The following SLC4A10 variants were observed in gnomAD, a reference collection of about 807,000 sequenced individuals.
SLC4A10 encodes sodium-driven chloride bicarbonate exchanger.
A neutral mutation model predicts 137.7 loss-of-function variants in SLC4A10; 42 were observed. The observed-to-expected ratio is 0.30, with a 90% confidence interval of 0.24 to 0.39. The LOEUF (loss-of-function observed/expected upper bound fraction) is 0.39. Ranked by LOEUF, SLC4A10 falls within the 10% of genes least tolerant of loss-of-function variation. The pLI, the probability that SLC4A10 is intolerant of heterozygous loss-of-function variation, is 1.00. For missense variants in SLC4A10, 925 were observed against 1,355.0 expected (o/e 0.68, Z 4.98); for synonymous variants, 474 against 464.1 (o/e 1.02, Z -0.27).
chr2:161,675,917 A>G (rs1392843154), intron 1 of SLC4A10, among the ~76,000 whole-genome samples: 1 of 152,164 alleles, frequency 6.6e-6, no homozygotes, highest in Non-Finnish European at 1.5e-5. Context: ...TCCCACAAGT[A>G]TTTGAAGCCC....
chr2:161,750,654 T>C (rs1350059004), intron 1 of SLC4A10, among the ~76,000 whole-genome samples: 1 of 151,898 alleles, frequency 6.6e-6, no homozygotes, highest in African/African-American at 2.4e-5. Flanking sequence ...TAACATGTAA[T>C]CTATACTGGA....
At chr2:161,860,664 A>T (rs2060383610) in intron 5 of SLC4A10, among the ~76,000 whole-genome samples, 1 of 152,198 alleles carries the variant, frequency 6.6e-6, no homozygotes, top group African/African-American at 2.4e-5. Flanking sequence ...TGAAAAATAG[A>T]TTTAAATATT....
At chr2:161,752,387 T>C (rs1033504238) in intron 1 of SLC4A10, among the ~76,000 whole-genome samples, 1 of 152,046 alleles carries the variant, frequency 6.6e-6, no homozygotes, top group Non-Finnish European at 1.5e-5. Flanking sequence ...ATATCCTTCT[T>C]AAGGTGATGA....
At chr2:161,900,293 G>A (rs1682769242) in intron 11 of SLC4A10, among the ~76,000 whole-genome samples, 1 of 152,044 alleles carries the variant, frequency 6.6e-6, no homozygotes, top group Admixed American at 6.6e-5. Flanking sequence ...CACTCTATGA[G>A]TTAGAAAGAC....
chr2:161,855,113 C>T lies in SLC4A10; in HGVS notation c.560C>T (p.Thr187Ile). ...GTGTTGCTGGACATGCATGCCAACA[C>T]TTTAGAAGAAATTGCAGGTATATCT... Reference protein sequence around the residue: ...GTVLLDMHANTLEEIADMVLD... With the variant: ...GTVLLDMHANILEEIADMVLD... The change falls in exon 5 of 27, where the codon ACT becomes ATT. Residue 187 changes from threonine (T) to isoleucine (I), a missense_variant. Physicochemically the swap from Thr to Ile is moderately conservative, Grantham distance 89. Around this residue, in one of 11 missense-constraint regions of SLC4A10, gnomAD observed 277 missense variants for 306.1 expected, o/e 0.90. Coordinates refer to ENST00000446997, the MANE Select transcript of SLC4A10 (RefSeq NM_001178015.2). The T allele has an allele frequency of 6.2e-7, 1 of 1,608,638 alleles. No individual in the cohort carries two copies. The highest frequency in any genetic ancestry group is 8.5e-7 in the Non-Finnish European group (1 of 1,177,440).
At chr2:161,658,424 G>C (rs867124996) in intron 1 of SLC4A10, among the ~76,000 whole-genome samples, 2 of 151,990 alleles carry the variant, frequency 1.3e-5, no homozygotes, top group Non-Finnish European at 2.9e-5. Context: ...CAAATCTGGC[G>C]TTCAGCTTAA....
intron 4 of SLC4A10, 58 bp downstream of exon 4, chr2:161,839,985 A>G (rs576392875): frequency 1.9e-6 from 3 of 1,596,008 alleles, no homozygotes; most frequent in South Asian, 2.2e-5. Flanking sequence ...TTACTAGAAA[A>G]AGAGATTTCT....
intron 4 of SLC4A10, among the ~76,000 whole-genome samples, chr2:161,853,639 T>C (rs543283084): frequency 5.9e-5 from 9 of 152,334 alleles, no homozygotes; most frequent in Admixed American, 5.9e-4. Flanking sequence ...ATAACTAATA[T>C]GAAAACTTTC....
At chr2:161,640,130 G>C (rs1301435590) in intron 1 of SLC4A10, among the ~76,000 whole-genome samples, 1 of 152,032 alleles carries the variant, frequency 6.6e-6, no homozygotes, top group East Asian at 1.9e-4. Context: ...ATTTATTTCA[G>C]TAAGGACTCA....
chr2:161,789,171 C>T lies in SLC4A10; in HGVS notation c.131-15278C>T, dbSNP rs1415739870. Among the ~76,000 whole-genome samples, 4 of 152,160 alleles carry T rather than the reference C, an allele frequency of 2.6e-5. No homozygotes were observed. The East Asian group carries it at 7.7e-4, about 29-fold the overall frequency. Reference sequence around the variant, plus strand: ...TGTGGGCACACCAGCACGAGCTGGCCACCTGAGGCTCCCACCCCAGAGAGT... The same window carrying T: ...TGTGGGCACACCAGCACGAGCTGGCTACCTGAGGCTCCCACCCCAGAGAGT... On this transcript the variant is annotated intron_variant, in intron 2 of 26. Transcript: ENST00000446997.
At chr2:161,905,176 C>T (rs116552922) in intron 14 of SLC4A10, among the ~76,000 whole-genome samples, 3,757 of 152,142 alleles carry the variant, frequency 0.025, 53 homozygotes, top group African/African-American at 0.036. Flanking sequence ...CCCTTTAGAC[C>T]GGTGGTCTGC....
intron 19 of SLC4A10, among the ~76,000 whole-genome samples, chr2:161,956,287 T>A (rs909283152): frequency 6.6e-5 from 10 of 152,296 alleles, no homozygotes; most frequent in African/African-American, 2.4e-4. Context: ...AGAGCTTAAG[T>A]GATTTATTGG....
At chr2:161,920,486 G>A (rs1250244616) in intron 15 of SLC4A10, among the ~76,000 whole-genome samples, 1 of 152,166 alleles carries the variant, frequency 6.6e-6, no homozygotes, top group Non-Finnish European at 1.5e-5. Context: ...GTACTTAAAG[G>A]ACAAAATAAA....
intron 1 of SLC4A10, among the ~76,000 whole-genome samples, chr2:161,698,736 G>A (rs1344487697): frequency 2.6e-5 from 4 of 152,228 alleles, no homozygotes; most frequent in Non-Finnish European, 4.4e-5. Flanking sequence ...TTTTTGCATC[G>A]ATGTTCATCA....
At chr2:161,879,833 T>A (rs1265553184) in intron 9 of SLC4A10, among the ~76,000 whole-genome samples, 1 of 152,090 alleles carries the variant, frequency 6.6e-6, no homozygotes, top group Non-Finnish European at 1.5e-5. Context: ...AGAAGTATTA[T>A]CGCAGTGTGG....
At position 161,761,724 on chromosome 2, in the gene SLC4A10, A is replaced by C. The variant is rs779711173; in HGVS notation, c.49-9249A>C. Among the ~76,000 whole-genome samples the C allele has an allele frequency of 1.6e-4, 24 of 152,230 alleles. 1 individual carries two copies. The highest frequency in any genetic ancestry group is 6.8e-3 in the Middle Eastern group (2 of 294). ...AGATAGTATTCCTTAGGTCACAGCAACCGTCAGAAGTATAACACTATATGT... is the reference window on the plus strand; with the variant it reads ...AGATAGTATTCCTTAGGTCACAGCACCCGTCAGAAGTATAACACTATATGT... On this transcript the variant is annotated intron_variant, in intron 1 of 26. Transcript: ENST00000446997.
At chr2:161,778,843 C>T (rs1323932064) in intron 2 of SLC4A10, among the ~76,000 whole-genome samples, 2 of 151,760 alleles carry the variant, frequency 1.3e-5, no homozygotes, top group Admixed American at 6.6e-5. Flanking sequence ...AAAATAATGC[C>T]CCATCTTGAT....
At chr2:161,895,242 C>T (rs1033712036) in intron 11 of SLC4A10, among the ~76,000 whole-genome samples, 38 of 152,054 alleles carry the variant, frequency 2.5e-4, no homozygotes, top group African/African-American at 8.5e-4. Context: ...AGGATGTGAA[C>T]TCATCATTTT....
chr2:161,723,641 T>A (rs984616210), intron 1 of SLC4A10, among the ~76,000 whole-genome samples: 1 of 152,254 alleles, frequency 6.6e-6, no homozygotes, highest in Non-Finnish European at 1.5e-5. Context: ...TCTATATCCA[T>A]GATTTAAATC....
Sources: gnomAD v4.1 joint callset for allele counts (sites outside exome capture counted in the v4.1 genomes callset) on GRCh38, gnomAD v4.1.1 for gene constraint, gnomAD v4.1.1 regional missense constraint, MANE v1.5 for transcripts, NCBI Gene and HGNC (gene_info 2026-07-23, HGNC 2026-07-21) for gene names.